Variants in LARP4B observed in about 807,000 individuals in gnomAD.
The protein encoded by LARP4B is la-related protein 4B.
In LARP4B, 12 loss-of-function variants were observed where a neutral mutation model predicts 89.8. That is an observed-to-expected ratio of 0.13 (90% CI 0.09 to 0.22). The LOEUF is 0.22. LARP4B is among the 10% of genes least tolerant of loss of function. LARP4B has a pLI of 1.00. For synonymous variants in LARP4B, 367 were observed against 363.3 expected (o/e 1.01, Z -0.12); for missense variants, 757 against 947.7 (o/e 0.80, Z 2.64).
Position 885,628 on chromosome 10 carries a change from C to T in LARP4B, c.81+13G>A, listed in dbSNP as rs768293207. On this transcript the variant is annotated intron_variant, in intron 2 of 17. Transcript: ENST00000316157. The stretch of plus-strand genomic sequence containing the variant: ...GCAATGGACTCCCCACCACCCCATT[C>T]GACAGCACCCACCAGATGAGCGCTG... 1.5e-5 allele frequency: 24 copies of T among 1,608,312 alleles called. No homozygotes were observed. The Admixed American group carries it at 3.0e-4, about 20-fold the overall frequency.
chr10:897,565 GA>G (rs1165166981), intron 1 of LARP4B, among the ~76,000 whole-genome samples: 1 of 152,020 alleles, frequency 6.6e-6, no homozygotes, highest in Non-Finnish European at 1.5e-5. Flanking sequence ...ACACTATCAA[GA>G]AAGTGAAAAG....
chr10:821,195 T>G (rs949933479), intron 13 of LARP4B, among the ~76,000 whole-genome samples: 1 of 152,164 alleles, frequency 6.6e-6, no homozygotes. Flanking sequence ...GAGACTGAGC[T>G]CCATCAATGA....
intron 5 of LARP4B, among the ~76,000 whole-genome samples, chr10:845,604 C>T (rs556528133): frequency 6.6e-6 from 1 of 152,054 alleles, no homozygotes; most frequent in East Asian, 1.9e-4. Flanking sequence ...GATAAATAAA[C>T]CAGATCTTCA....
the LARP4B span, among the ~76,000 whole-genome samples, chr10:937,702 C>T: frequency 6.6e-6 from 1 of 152,066 alleles, no homozygotes. Flanking sequence ...CTGCAAATGA[C>T]CCATAATCTT....
At chr10:951,309 G>A in the LARP4B span, among the ~76,000 whole-genome samples, 1 of 152,102 alleles carries the variant, frequency 6.6e-6, no homozygotes, top group African/African-American at 2.4e-5. Flanking sequence ...AGCACTTTGG[G>A]AGGCTGAGGC....
At chr10:904,310 T>A (rs1322806196) in intron 1 of LARP4B, among the ~76,000 whole-genome samples, 1 of 152,092 alleles carries the variant, frequency 6.6e-6, no homozygotes, top group Non-Finnish European at 1.5e-5. Context: ...TCCCAGCACT[T>A]TGGGAGGCCA....
At chr10:844,594 G>T (rs183549532) in intron 6 of LARP4B, among the ~76,000 whole-genome samples, 164 of 152,038 alleles carry the variant, frequency 1.1e-3, no homozygotes, top group African/African-American at 3.8e-3. Flanking sequence ...ATTATTCAGG[G>T]GAAAGAAAAA....
chr10:845,938 G>C (rs1382966930), intron 5 of LARP4B, among the ~76,000 whole-genome samples: 1 of 152,126 alleles, frequency 6.6e-6, no homozygotes, highest in African/African-American at 2.4e-5. Flanking sequence ...AGACAAAGTG[G>C]GGCGTTCAGG....
Position 836,513 on chromosome 10 carries a change from A to G in LARP4B, c.647-7T>C, listed in dbSNP as rs768419824. 3.2e-6 allele frequency: 5 copies of G among 1,574,144 alleles called. No individual in the cohort carries two copies. The highest frequency in any genetic ancestry group is 8.7e-7 in the Non-Finnish European group (1 of 1,147,180). ...ACTTGGACTAAAGGTAAAGCTACAA[A>G]GAGAAGAAAAATCAATGGTGAAACA... On this transcript the variant is annotated splice_region_variant and splice_polypyrimidine_tract_variant and intron_variant, in intron 7 of 17. Transcript: ENST00000316157.
chr10:970,550 C>A, the LARP4B span, among the ~76,000 whole-genome samples: 1 of 152,142 alleles, frequency 6.6e-6, no homozygotes, highest in African/African-American at 2.4e-5. Flanking sequence ...AAGCACTCAT[C>A]GGGACTTCTG....
At chr10:962,954 C>A in the LARP4B span, among the ~76,000 whole-genome samples, 1 of 152,168 alleles carries the variant, frequency 6.6e-6, no homozygotes, top group South Asian at 2.1e-4. Context: ...AGACCCTGGG[C>A]AGAGGGCTGA....
chr10:956,860 AG>A, the LARP4B span, among the ~76,000 whole-genome samples: 1 of 152,114 alleles, frequency 6.6e-6, no homozygotes, highest in Admixed American at 6.5e-5. This position sits in a 1 kb window ranked among gnomAD's most constrained non-coding sequence, Gnocchi z 4.3. Context: ...AGAAGGGTAA[AG>A]ACACTGCAGG....
intron 1 of LARP4B, among the ~76,000 whole-genome samples, chr10:917,661 C>T (rs1225463318): frequency 2.0e-5 from 3 of 152,160 alleles, no homozygotes; most frequent in Non-Finnish European, 4.4e-5. Context: ...AGATATTTTG[C>T]GACCTCAAGA....
chr10:845,836 A>G lies in LARP4B; in HGVS notation c.431-781T>C, dbSNP rs79432753. Among the ~76,000 whole-genome samples the G allele has an allele frequency of 1.3e-3, 201 of 152,362 alleles. 1 individual carries two copies. The highest frequency in any genetic ancestry group is 4.6e-3 in the African/African-American group (191 of 41,590). On this transcript the variant is annotated intron_variant, in intron 5 of 17. Coordinates refer to ENST00000316157, the MANE Select transcript of LARP4B (RefSeq NM_015155.3). ...AACTAAGTTTTTCCTGCCTTCCTAT[A>G]TAAATTAGCATGGTACAATCATATA...
chr10:973,358 CT>C, the LARP4B span, among the ~76,000 whole-genome samples: 6,979 of 148,396 alleles, frequency 0.047, 531 homozygotes, highest in African/African-American at 0.16. Context: ...TTTTGGTGAA[CT>C]TTTTTTTTTT....
the LARP4B span, among the ~76,000 whole-genome samples, chr10:939,313 G>C: frequency 6.6e-6 from 1 of 152,220 alleles, no homozygotes; most frequent in East Asian, 1.9e-4. Context: ...CAAGGGTGAG[G>C]CCTGTTAGGA....
chr10:959,206 G>A, the LARP4B span, among the ~76,000 whole-genome samples: 1 of 152,136 alleles, frequency 6.6e-6, no homozygotes, highest in African/African-American at 2.4e-5. Flanking sequence ...AATGTGAGAT[G>A]TACTGGGCTG....
intron 1 of LARP4B, among the ~76,000 whole-genome samples, chr10:913,057 C>T (rs1836715366): frequency 6.8e-6 from 1 of 146,922 alleles, no homozygotes; most frequent in Non-Finnish European, 1.5e-5. Context: ...CTGGCAATTC[C>T]TGACTATCCC....
chr10:842,968 T>C lies in LARP4B; in HGVS notation c.610A>G (p.Ser204Gly). 1 of 1,613,446 alleles carries C rather than the reference T, an allele frequency of 6.2e-7. No homozygotes were observed. The highest frequency in any genetic ancestry group is 8.5e-7 in the Non-Finnish European group (1 of 1,179,306). Residue 204 changes from serine (S) to glycine (G), a missense_variant, in exon 7 of 18, where the codon AGC becomes GGC. Ser to Gly is a moderately conservative substitution (Grantham distance 56). Transcript: ENST00000316157. ...TCCACAATCAAGTCCACATCAGTGC[T>C]GAGCTTCTTGATGTGGTCGAGGTTA... ...VANLDHIKKLSTDVDLIVEVL... is the reference protein window; with the variant it reads ...VANLDHIKKLGTDVDLIVEVL...
Sources: allele counts gnomAD v4.1 joint callset (sites outside exome capture counted in the v4.1 genomes callset), GRCh38; gene constraint gnomAD v4.1.1; non-coding constraint Gnocchi (gnomAD v3.1); transcripts MANE v1.5; gene names NCBI Gene and HGNC (gene_info 2026-07-23, HGNC 2026-07-21).